Variants in AGPS observed in about 807,000 individuals in gnomAD.
AGPS encodes the protein alkyldihydroxyacetonephosphate synthase, peroxisomal.
Under a neutral mutation model 90.7 loss-of-function variants are expected in AGPS, and 26 were observed. That is an observed-to-expected ratio of 0.29 (90% CI 0.21 to 0.40). The LOEUF (loss-of-function observed/expected upper bound fraction) is 0.40. Ranked by LOEUF, AGPS falls within the 10% of genes least tolerant of loss-of-function variation. The probability of loss-of-function intolerance (pLI) is 1.00; values close to 1 mark genes in which losing one functional copy is unlikely to be tolerated. For missense variants in AGPS, 540 were observed against 816.1 expected, an observed-to-expected ratio of 0.66 and a Z score of 4.12; for synonymous variants, 294 against 285.3, an observed-to-expected ratio of 1.03 and a Z score of -0.31.
At chr2:177,436,954 TTTTC>T (rs1391344104) in intron 4 of AGPS, 22 bp from the exon 5 acceptor site, 2 of 1,612,472 alleles carry the variant, frequency 1.2e-6, no homozygotes, top group Non-Finnish European at 1.7e-6. Context: ...GTTTTTGTGT[TTTTC>T]TTTTTTTTAA....
intron 11 of AGPS, among the ~76,000 whole-genome samples, chr2:177,490,600 T>C (rs1688224479): frequency 6.6e-6 from 1 of 152,130 alleles, no homozygotes; most frequent in Admixed American, 6.5e-5. Context: ...GACTTGATTA[T>C]CAAGTTAAAA....
intron 11 of AGPS, among the ~76,000 whole-genome samples, chr2:177,489,270 G>A (rs978735981): frequency 1.3e-5 from 2 of 151,924 alleles, no homozygotes. Context: ...ATTTTTAGTC[G>A]AGACAGGATT....
chr2:177,440,751 T>C (rs1686578523), intron 5 of AGPS, among the ~76,000 whole-genome samples: 1 of 152,152 alleles, frequency 6.6e-6, no homozygotes, highest in Non-Finnish European at 1.5e-5. Flanking sequence ...AGGAAAATTT[T>C]CGTACTATCT....
At chr2:177,476,431 A>G (rs1687783486) in intron 10 of AGPS, among the ~76,000 whole-genome samples, 1 of 151,902 alleles carries the variant, frequency 6.6e-6, no homozygotes, top group Non-Finnish European at 1.5e-5. Context: ...TGACTCGATT[A>G]TTTAGTAGTG....
At chr2:177,481,695 C>A (rs367876267) in intron 10 of AGPS, among the ~76,000 whole-genome samples, 15 of 151,842 alleles carry the variant, frequency 9.9e-5, no homozygotes, top group Non-Finnish European at 1.5e-5. Flanking sequence ...TATCAAAATA[C>A]GCTTTTGTCT....
chr2:177,418,139 A>G, intron 1 of AGPS, among the ~76,000 whole-genome samples: 1 of 152,142 alleles, frequency 6.6e-6, no homozygotes, highest in East Asian at 1.9e-4. Flanking sequence ...CATAAGCCCA[A>G]TTTTATGACT....
intron 8 of AGPS, among the ~76,000 whole-genome samples, chr2:177,459,738 A>G (rs533030967): frequency 6.6e-6 from 1 of 152,364 alleles, no homozygotes; most frequent in East Asian, 1.9e-4. Flanking sequence ...TAGTTCAACC[A>G]TTGTGGAAGA....
chr2:177,440,753 G>C (rs900490869), intron 5 of AGPS, among the ~76,000 whole-genome samples: 3 of 152,018 alleles, frequency 2.0e-5, no homozygotes, highest in Non-Finnish European at 4.4e-5. Context: ...GAAAATTTTC[G>C]TACTATCTTT....
chr2:177,492,633 A>T (rs1357447374), intron 11 of AGPS, among the ~76,000 whole-genome samples: 1 of 152,180 alleles, frequency 6.6e-6, no homozygotes, highest in Non-Finnish European at 1.5e-5. Context: ...CTGTGTGTGC[A>T]TGTGTCTGTG....
intron 9 of AGPS, among the ~76,000 whole-genome samples, chr2:177,464,410 ATTTCG>A (rs1268024290): frequency 6.6e-6 from 1 of 152,222 alleles, no homozygotes. Context: ...GTGTTAATAT[ATTTCG>A]TAACATTAGT....
intron 15 of AGPS, among the ~76,000 whole-genome samples, chr2:177,507,138 A>C (rs1688741047): frequency 6.6e-6 from 1 of 152,096 alleles, no homozygotes; most frequent in African/African-American, 2.4e-5. Flanking sequence ...AGTGCATTAG[A>C]GAAAAACACA....
intron 1 of AGPS, among the ~76,000 whole-genome samples, chr2:177,402,721 T>A (rs1024161773): frequency 1.3e-5 from 2 of 152,128 alleles, no homozygotes; most frequent in African/African-American, 4.8e-5. Flanking sequence ...TTGAATTCAT[T>A]TAAATCACCT....
intron 19 of AGPS, among the ~76,000 whole-genome samples, chr2:177,533,475 G>A (rs956861908): frequency 2.0e-5 from 3 of 151,898 alleles, no homozygotes; most frequent in Non-Finnish European, 4.4e-5. Flanking sequence ...CTTACCACAT[G>A]CTGTACCTTT....
intron 1 of AGPS, chr2:177,393,652 C>T: frequency 9.7e-6 from 8 of 821,420 alleles, no homozygotes; most frequent in Non-Finnish European, 1.2e-5. Flanking sequence ...GGTGGTATAG[C>T]TACTGAGCTC....
At chr2:177,513,161 C>A (rs1324379462) in intron 16 of AGPS, among the ~76,000 whole-genome samples, 2 of 152,108 alleles carry the variant, frequency 1.3e-5, no homozygotes, top group Non-Finnish European at 2.9e-5. Flanking sequence ...GTGGCGCAAC[C>A]ATGGCTCACT....
chr2:177,463,809 T>C (rs1687367903), intron 9 of AGPS, among the ~76,000 whole-genome samples: 1 of 152,208 alleles, frequency 6.6e-6, no homozygotes, highest in African/African-American at 2.4e-5. Context: ...AACAGCTACA[T>C]TTAGCACTGT....
intron 19 of AGPS, among the ~76,000 whole-genome samples, chr2:177,525,965 A>G (rs2079083132): frequency 6.6e-6 from 1 of 152,230 alleles, no homozygotes; most frequent in Non-Finnish European, 1.5e-5. Context: ...CTGTGTAAAC[A>G]TACTTGAAAT....
At chr2:177,425,127 C>A (rs1041583089) in intron 2 of AGPS, among the ~76,000 whole-genome samples, 7 of 151,968 alleles carry the variant, frequency 4.6e-5, no homozygotes, top group African/African-American at 1.7e-4. Flanking sequence ...TTGCTTTTGG[C>A]GTTTTTGTCG....
At chr2:177,511,877 G>A (rs540472534) in intron 16 of AGPS, among the ~76,000 whole-genome samples, 1 of 152,284 alleles carries the variant, frequency 6.6e-6, no homozygotes, top group African/African-American at 2.4e-5. Flanking sequence ...TCAACTATCA[G>A]TGAGGGTTTA....
Sources: gnomAD v4.1 joint callset for allele counts (sites outside exome capture counted in the v4.1 genomes callset) on GRCh38, gnomAD v4.1.1 for gene constraint, MANE v1.5 for transcripts, NCBI Gene and HGNC (gene_info 2026-07-23, HGNC 2026-07-21) for gene names.